TAT: variants seen among roughly 807,000 people sequenced by gnomAD.
TAT encodes L-tyrosine:2-oxoglutarate aminotransferase.
A neutral mutation model predicts 53.6 loss-of-function variants in TAT; 35 were observed. The observed-to-expected ratio is 0.65, with a 90% CI of 0.50 to 0.87. The LOEUF (loss-of-function observed/expected upper bound fraction) is 0.87, where lower values mean the gene tolerates loss of function less well. Among genes scored for constraint, TAT ranks in the 40% least tolerant of loss-of-function variants. The pLI, the probability that TAT is intolerant of heterozygous loss-of-function variation, is 0.00. For missense variants in TAT, 525 were observed against 571.8 expected (o/e 0.92, Z 0.83); for synonymous variants, 197 against 206.5 (o/e 0.95, Z 0.39).
chr16:71,568,568 T>C lies in TAT; in HGVS notation c.1224+143A>G, dbSNP rs1799881. 111,386 of 773,710 alleles carry C rather than the reference T, an allele frequency of 0.14. 10,491 individuals carry two copies. Among genetic ancestry groups the C allele is most frequent in the South Asian group, 0.32 (20,447 of 64,710 alleles). The allele number at this position is 773,710 out of a possible 1,614,324, so 47.9% of individuals were successfully genotyped here. A position where few individuals can be genotyped will look rare whatever the true frequency, so the allele number is the denominator to read the frequency against. Reference sequence around the variant, plus strand: ...GGGGAGAAGCAAATTTTAAATAGGATCCATGAGACACATCAGTTTGAATCT... The same window carrying C: ...GGGGAGAAGCAAATTTTAAATAGGACCCATGAGACACATCAGTTTGAATCT... On this transcript the variant is annotated intron_variant, in intron 11 of 11. Transcript: ENST00000355962.
chr16:71,574,740 C>T (rs1339435501), intron 3 of TAT, among the ~76,000 whole-genome samples: 2 of 152,070 alleles, frequency 1.3e-5, no homozygotes, highest in Non-Finnish European at 1.5e-5. Flanking sequence ...TGTTGGCTTA[C>T]AAGCTTGAAG....
At chr16:71,574,113 T>C (rs1039244343) in intron 3 of TAT, among the ~76,000 whole-genome samples, 14 of 152,250 alleles carry the variant, frequency 9.2e-5, no homozygotes, top group African/African-American at 3.1e-4. Flanking sequence ...ATAAAGGAGA[T>C]TCACTTCACA....
Position 71,569,855 on chromosome 16 carries a change from A to G in TAT, c.1124T>C (p.Met375Thr). The change falls in exon 10 of 12, where the codon ATG becomes ACG. Residue 375 changes from methionine to threonine, a missense_variant and splice_region_variant. By Grantham distance (81) the Met-to-Thr change is moderately conservative. Coordinates refer to ENST00000355962, the MANE Select transcript of TAT (RefSeq NM_000353.3). Reference sequence around the variant, plus strand: ...AGTGCCTGCCACCCACATACTCACCATGAGGTACATAGCCCCAGAAGGGCG... The same window carrying G: ...AGTGCCTGCCACCCACATACTCACCGTGAGGTACATAGCCCCAGAAGGGCG... The part of the protein sequence containing the change: ...PVRPSGAMYL[M>T]VGIEMEHFPE... The G allele has an allele frequency of 6.2e-7, 1 of 1,613,564 alleles. No individual in the cohort carries two copies. Among genetic ancestry groups the G allele is most frequent in the Non-Finnish European group, 8.5e-7 (1 of 1,179,830 alleles).
chr16:71,568,851 G>C, intron 10 of TAT, 42 bp from the exon 11 acceptor site: 4 of 1,465,270 alleles, frequency 2.7e-6, no homozygotes, highest in Non-Finnish European at 3.8e-6. Flanking sequence ...CAGAAGGAGG[G>C]AGAACAGGCC....
In TAT at chr16:71,568,270, C is replaced by G. The variant is rs146926467; in HGVS notation, c.1239G>C (p.Pro413=). The G allele has an allele frequency of 6.2e-7, 1 of 1,614,144 alleles. No homozygotes were observed. The highest frequency in any genetic ancestry group is 1.1e-5 in the South Asian group (1 of 91,072). The change falls in exon 12 of 12, where the codon CCG becomes CCC. Residue 413 remains proline (P), a synonymous_variant. Transcript: ENST00000355962. ...HCLPATCFEY[P]NFIRVVITVP... ...CTGTGATGACCACTCGGATGAAATT[C>G]GGGTACTCAAAGCACTGCAAAAAGA...
At chr16:71,574,231 G>A (rs1231917530) in intron 3 of TAT, among the ~76,000 whole-genome samples, 2 of 152,212 alleles carry the variant, frequency 1.3e-5, no homozygotes, top group Non-Finnish European at 2.9e-5. Context: ...ATTTTATTCT[G>A]TGTAATACAA....
In TAT at chr16:71,570,750, G is replaced by C; in HGVS notation, c.841C>G (p.Arg281Gly). Residue 281 changes from arginine to glycine, a missense_variant, in exon 8 of 12, where the codon CGC becomes GGC. Coordinates refer to ENST00000355962, the MANE Select transcript of TAT (RefSeq NM_000353.3). ...AACCTCCAGCCAGGAACCAGCCAGC[G>C]CTTGGCCAGCCCTCCACAGGACAGG... ...PILSCGGLAK[R>G]WLVPGWRLGW... is the part of the protein sequence containing the mutation. 1 of 1,614,210 alleles carries C rather than the reference G, an allele frequency of 6.2e-7. No homozygotes were observed. Among genetic ancestry groups the C allele is most frequent in the Non-Finnish European group, 8.5e-7 (1 of 1,180,034 alleles).
intron 11 of TAT, 69 bp downstream of exon 11, chr16:71,568,642 A>C: frequency 8.1e-7 from 1 of 1,240,340 alleles, no homozygotes. Context: ...CAGGCTAAAA[A>C]CCAGCTCAGA....
At chr16:71,573,478 A>G in intron 4 of TAT, 61 bp downstream of exon 4, 2 of 1,455,104 alleles carry the variant, frequency 1.4e-6, no homozygotes, top group Non-Finnish European at 1.9e-6. Flanking sequence ...GAACAGAAAC[A>G]AGTAAAAAGG....
chr16:71,568,580 A>G (rs954655047), intron 11 of TAT, 131 bp downstream of exon 11: 3 of 806,382 alleles, frequency 3.7e-6, no homozygotes, highest in East Asian at 2.7e-5. Flanking sequence ...CATGAGACAC[A>G]TCAGTTTGAA....
Position 71,567,313 on chromosome 16 carries a change from G to A in TAT, c.*831C>T. The A allele has an allele frequency of 6.6e-6, 1 of 152,512 alleles. No homozygotes were observed. Among genetic ancestry groups the A allele is most frequent in the Non-Finnish European group, 1.5e-5 (1 of 68,196 alleles). The allele number at this position is 152,512 out of a possible 1,614,324, so 9.4% of individuals were successfully genotyped here. A position where few individuals can be genotyped will look rare whatever the true frequency, so the allele number is the denominator to read the frequency against. ...AGTCCCAACTGCTTGGGAGGTTGAGGCAAGAGAATCGCTTGAACCCAGGAG... is the reference window on the plus strand; with the variant it reads ...AGTCCCAACTGCTTGGGAGGTTGAGACAAGAGAATCGCTTGAACCCAGGAG... On this transcript the variant is annotated 3_prime_UTR_variant, in exon 12 of 12. Coordinates refer to ENST00000355962, the MANE Select transcript of TAT (RefSeq NM_000353.3).
At chr16:71,574,776 A>C (rs1472100871) in intron 3 of TAT, among the ~76,000 whole-genome samples, 1 of 148,364 alleles carries the variant, frequency 6.7e-6, no homozygotes, top group Non-Finnish European at 1.5e-5. Context: ...GCCCATCATA[A>C]TATTTTGCAA....
chr16:71,572,498 G>T (rs1405231951), intron 5 of TAT, 32 bp downstream of exon 5: 1 of 1,613,626 alleles, frequency 6.2e-7, no homozygotes, highest in African/African-American at 1.3e-5. Context: ...TAGTAACTGA[G>T]CATTTGAGTC....
chr16:71,571,509 A>G, intron 7 of TAT, 97 bp downstream of exon 7: 2 of 1,136,860 alleles, frequency 1.8e-6, no homozygotes, highest in Non-Finnish European at 2.7e-6. Context: ...ATTTGCTGTA[A>G]TGAAACGATT....
At chr16:71,572,366 AT>A (rs1221086310) in intron 5 of TAT, 42 bp from the exon 6 acceptor site, 3 of 1,613,640 alleles carry the variant, frequency 1.9e-6, no homozygotes, top group African/African-American at 2.7e-5. Context: ...ATTCTGAAAC[AT>A]TTAGGGGGAA....
intron 7 of TAT, 74 bp from the exon 8 acceptor site, chr16:71,570,905 C>A: frequency 1.3e-6 from 2 of 1,549,608 alleles, no homozygotes; most frequent in South Asian, 1.2e-5. Flanking sequence ...TGGCTCCCAC[C>A]CATTTCCTTC....
chr16:71,566,172 C>T lies in TAT; in HGVS notation c.*1972G>A, dbSNP rs1389288598. Reference sequence around the variant, plus strand: ...TATCTAATCTCATCCTTTGTATATTCGTCTTGGATTTGCTGAAGAAAATTA... The same window carrying T: ...TATCTAATCTCATCCTTTGTATATTTGTCTTGGATTTGCTGAAGAAAATTA... On this transcript the variant is annotated 3_prime_UTR_variant, in exon 12 of 12. Coordinates refer to ENST00000355962, the MANE Select transcript of TAT (RefSeq NM_000353.3). 6.6e-6 allele frequency: 1 copy of T among 152,092 alleles called. No homozygotes were observed. The highest frequency in any genetic ancestry group is 1.5e-5 in the Non-Finnish European group (1 of 68,012). 9.4% of individuals were successfully genotyped at this position (152,092 alleles called of 1,614,324 possible). A position where few individuals can be genotyped will look rare whatever the true frequency, so the allele number is the denominator to read the frequency against.
chr16:71,569,869 C>T lies in TAT; in HGVS notation c.1110G>A (p.Gly370=), dbSNP rs769034721. The change falls in exon 10 of 12, where the codon GGG becomes GGA. Residue 370 remains glycine (G), a synonymous_variant. Transcript: ENST00000355962. The stretch of plus-strand genomic sequence containing the variant: ...ACATACTCACCATGAGGTACATAGC[C>T]CCAGAAGGGCGGACTGGCCGGAGTC... ...IPGLRPVRPS[G]AMYLMVGIEM... 6.2e-7 allele frequency: 1 copy of T among 1,613,786 alleles called. No individual in the cohort carries two copies. The highest frequency in any genetic ancestry group is 8.5e-7 in the Non-Finnish European group (1 of 1,179,910).
chr16:71,568,342 T>C, intron 11 of TAT, 58 bp from the exon 12 acceptor site: 2 of 1,586,218 alleles, frequency 1.3e-6, no homozygotes, highest in Non-Finnish European at 1.7e-6. Context: ...TGGACCACCC[T>C]AAAATGGTCA....
Sources: gnomAD v4.1 joint callset for allele counts (sites outside exome capture counted in the v4.1 genomes callset) on GRCh38, gnomAD v4.1.1 for gene constraint, MANE v1.5 for transcripts, NCBI Gene and HGNC (gene_info 2026-07-23, HGNC 2026-07-21) for gene names.